Variants in DIDO1 observed in about 807,000 individuals in gnomAD.
The protein encoded by DIDO1 is death inducer-obliterator 1.
A neutral mutation model predicts 99.4 loss-of-function variants in DIDO1; 16 were observed. The observed-to-expected ratio is 0.16, with a 90% CI of 0.11 to 0.24. The LOEUF (loss-of-function observed/expected upper bound fraction) is 0.24, where lower values mean the gene tolerates loss of function less well. Among genes scored for constraint, DIDO1 ranks in the 10% least tolerant of loss-of-function variants. The pLI is 1.00. For missense variants in DIDO1, 2,996 were observed against 3,014.0 expected (o/e 0.99, Z 0.14); for synonymous variants, 1,366 against 1,239.1 (o/e 1.10, Z -2.15).
At chr20:62,897,107 T>A (rs773075034) in intron 6 of DIDO1, 111 bp from the exon 7 acceptor site, 24 of 952,830 alleles carry the variant, frequency 2.5e-5, no homozygotes, top group Non-Finnish European at 3.6e-5. Context: ...CTGGCATTAC[T>A]GAATAGGATA....
At chr20:62,909,413 C>T (rs1196105384) in intron 4 of DIDO1, among the ~76,000 whole-genome samples, 1 of 152,254 alleles carries the variant, frequency 6.6e-6, no homozygotes, top group Non-Finnish European at 1.5e-5. Context: ...CCACTCCCAT[C>T]GTTCAGAAAC....
rs1037682166 is a variant in DIDO1 at position 62,879,136 on chromosome 20, C to A, written c.*97G>T. On this transcript the variant is annotated 3_prime_UTR_variant, in exon 16 of 16. Coordinates refer to ENST00000395343, the MANE Select transcript of DIDO1 (RefSeq NM_001193369.2). The surrounding 1 kb of genome is among the most constrained non-coding windows in gnomAD (Gnocchi z 6.3). ...CAGTAATGTTTAAGTCCAGAATATT[C>A]TATCCTGAATCTAAGATCGTGGCTA... 3.3e-5 allele frequency: 38 copies of A among 1,151,612 alleles called. No individual in the cohort carries two copies. The highest frequency in any genetic ancestry group is 4.3e-5 in the Non-Finnish European group (37 of 862,900). 71.3% of individuals were successfully genotyped at this position (1,151,612 alleles called of 1,614,324 possible).
chr20:62,906,189 A>C, intron 5 of DIDO1, 89 bp from the exon 6 acceptor site: 2 of 1,496,902 alleles, frequency 1.3e-6, no homozygotes, highest in Non-Finnish European at 1.8e-6. Context: ...CGGGGACCCA[A>C]TGTCTTCCTG....
At position 62,909,960 on chromosome 20, in the gene DIDO1, A is replaced by T; in HGVS notation, c.900T>A (p.Ser300=). Residue 300 remains serine, a synonymous_variant, in exon 4 of 16, where the codon TCT becomes TCA. Transcript: ENST00000395343. The stretch of plus-strand genomic sequence containing the variant: ...TTTCCAAAAGCCTCCCTCGAGCCTC[A>T]GAAATGCCCACACAATCGCCATGAA... The part of the protein sequence containing the change: ...EWFHGDCVGI[S]EARGRLLERN... 1 of 1,613,458 alleles carries T rather than the reference A, an allele frequency of 6.2e-7. No homozygotes were observed. The highest frequency in any genetic ancestry group is 1.1e-5 in the South Asian group (1 of 91,088).
rs928373592 is a variant in DIDO1, at chr20:62,922,655, C to T, written c.-200+3784G>A. On this transcript the variant is annotated intron_variant, in intron 1 of 15. Coordinates refer to ENST00000395343, the MANE Select transcript of DIDO1 (RefSeq NM_001193369.2). The stretch of plus-strand genomic sequence containing the variant: ...CTTCCTACAAGGTTTTCTGAAGCGA[C>T]ATCCTGTGCCAAATCATCTGCGGCA... Among the ~76,000 whole-genome samples the T allele has an allele frequency of 3.3e-5, 5 of 152,340 alleles. No individual in the cohort carries two copies. In the South Asian group the frequency reaches 6.2e-4, roughly 19 times the overall value.
At chr20:62,931,470 A>G (rs994951304), upstream of DIDO1, among the ~76,000 whole-genome samples, 2 of 152,256 alleles carry the variant, frequency 1.3e-5, no homozygotes, top group African/African-American at 4.8e-5. Context: ...CTTTAAAGGA[A>G]CACAGCAAAC....
chr20:62,888,577 C>CTG, intron 15 of DIDO1: 9 of 985,600 alleles, frequency 9.1e-6, no homozygotes, highest in Non-Finnish European at 9.6e-6. Flanking sequence ...GTGGCCTGTG[C>CTG]TGTCCAAGGG....
chr20:62,893,567 T>A (rs2064444487), intron 12 of DIDO1, 99 bp downstream of exon 12: 1 of 1,373,030 alleles, frequency 7.3e-7, no homozygotes, highest in South Asian at 1.5e-5. Context: ...GTATTTCAGG[T>A]TACATTTCCA....
At chr20:62,923,383 G>C (rs775831412) in intron 1 of DIDO1, among the ~76,000 whole-genome samples, 1 of 151,860 alleles carries the variant, frequency 6.6e-6, no homozygotes, top group African/African-American at 2.4e-5. Context: ...CACCATATTG[G>C]CCAGGCTGGT....
chr20:62,911,632 G>C lies in DIDO1; in HGVS notation c.-2-18C>G, dbSNP rs2147509418. On this transcript the variant is annotated intron_variant, in intron 2 of 15. Coordinates refer to ENST00000395343, the MANE Select transcript of DIDO1 (RefSeq NM_001193369.2). The surrounding 1 kb of genome is among the most constrained non-coding windows in gnomAD (Gnocchi z 7.0). The stretch of plus-strand genomic sequence containing the variant: ...GTCCATACCTAGCGGTAAAGTGTAA[G>C]CACATAGTGACCAACTGACCACAGA... 1 of 1,527,966 alleles carries C rather than the reference G, an allele frequency of 6.5e-7. No individual in the cohort carries two copies. The highest frequency in any genetic ancestry group is 1.3e-5 in the South Asian group (1 of 77,072). The allele number at this position is 1,527,966 out of a possible 1,614,324, so 94.7% of individuals were successfully genotyped here. A position where few individuals can be genotyped will look rare whatever the true frequency, so the allele number is the denominator to read the frequency against.
intron 1 of DIDO1, among the ~76,000 whole-genome samples, chr20:62,923,644 TTTC>T (rs1235537939): frequency 6.6e-6 from 1 of 152,248 alleles, no homozygotes; most frequent in East Asian, 1.9e-4. Flanking sequence ...GACAGCACCC[TTTC>T]TAGTGTCTTT....
chr20:62,915,581 G>A (rs775172589), intron 1 of DIDO1, among the ~76,000 whole-genome samples: 40 of 152,098 alleles, frequency 2.6e-4, no homozygotes, highest in African/African-American at 7.2e-4. Context: ...CTCAAACTCC[G>A]GGGCTCAAGT....
intron 5 of DIDO1, among the ~76,000 whole-genome samples, chr20:62,906,605 T>G (rs1353334297): frequency 6.6e-6 from 1 of 152,248 alleles, no homozygotes; most frequent in Non-Finnish European, 1.5e-5. Flanking sequence ...AGTTGCGCTT[T>G]GCTGGTCACA....
rs757184367 is a variant in DIDO1 at position 62,882,165 on chromosome 20, G to C, written c.3791C>G (p.Pro1264Arg). ...CACCGGTGGTTCTGGAAGAGGGGGC[G>C]GAGGCGGCGGCGACCCAGGAGGTGT... ...STTPPGSPPP[P>R]PPLPEPPVLK... The change falls in exon 16 of 16, where the codon CCG (proline) becomes CGG (arginine). Residue 1264 changes from proline to arginine, a missense_variant. Physicochemically the swap from Pro to Arg is moderately radical, Grantham distance 103 (BLOSUM62 -2). Coordinates refer to ENST00000395343, the MANE Select transcript of DIDO1 (RefSeq NM_001193369.2). The C allele has an allele frequency of 6.2e-7, 1 of 1,613,212 alleles. No individual in the cohort carries two copies. Among genetic ancestry groups the C allele is most frequent in the East Asian group, 2.2e-5 (1 of 44,878 alleles).
intron 15 of DIDO1, among the ~76,000 whole-genome samples, chr20:62,884,880 G>A (rs113309929): frequency 6.6e-6 from 1 of 152,210 alleles, no homozygotes; most frequent in African/African-American, 2.4e-5. Flanking sequence ...GAGGAGGGAA[G>A]CAGGAAAACC....
At chr20:62,936,838 T>C (rs2065391768) in intron 1 of DIDO1, among the ~76,000 whole-genome samples, 1 of 152,272 alleles carries the variant, frequency 6.6e-6, no homozygotes, top group Admixed American at 6.5e-5. Flanking sequence ...CGCTCCAGCC[T>C]GGGCGAGAGT....
At chr20:62,897,080 A>T (rs1453663295) in intron 6 of DIDO1, 84 bp from the exon 7 acceptor site, 6 of 1,282,682 alleles carry the variant, frequency 4.7e-6, no homozygotes, top group Non-Finnish European at 6.4e-6. Flanking sequence ...CTTACCCTTA[A>T]ACCTGTAAGT....
intron 6 of DIDO1, among the ~76,000 whole-genome samples, chr20:62,900,111 TG>T (rs201170641): frequency 0.025 from 3,755 of 152,296 alleles, 79 homozygotes; most frequent in Non-Finnish European, 0.037. Flanking sequence ...TACACGCTGC[TG>T]GGCCCCCTGG....
rs2064934017 is a variant in DIDO1 at position 62,911,331 on chromosome 20, C to T, written c.282G>A (p.Glu94=). Residue 94 remains glutamate, a synonymous_variant, in exon 3 of 16, where the codon GAG becomes GAA. Transcript: ENST00000395343. This position sits in a 1 kb window ranked among gnomAD's most constrained non-coding sequence, Gnocchi z 7.0. ...GGCAGGACGTGGGCTCACCAGAATC[C>T]TCCAGGGAGACAGGCATGCTCCTCC... ...RGRRSMPVSL[E]DSGEPTSCPA... The T allele has an allele frequency of 5.6e-6, 9 of 1,608,864 alleles. No individual in the cohort carries two copies. The highest frequency in any genetic ancestry group is 7.6e-6 in the Non-Finnish European group (9 of 1,179,982).
Sources: gnomAD v4.1 joint callset for allele counts (sites outside exome capture counted in the v4.1 genomes callset) on GRCh38, gnomAD v4.1.1 for gene constraint, Gnocchi (gnomAD v3.1) non-coding constraint, MANE v1.5 for transcripts, NCBI Gene and HGNC (gene_info 2026-07-23, HGNC 2026-07-21) for gene names.